The following SLC44A1 variants were observed in gnomAD, a reference collection of about 807,000 sequenced individuals.
The protein encoded by SLC44A1 is choline transporter-like protein 1.
Under a neutral mutation model 79.3 loss-of-function variants are expected in SLC44A1, and 26 were observed. The ratio of observed to expected loss-of-function variants is 0.33; its 90% CI spans 0.24 to 0.46. The LOEUF is 0.46. Among genes scored for constraint, SLC44A1 ranks in the 20% least tolerant of loss-of-function variants. The probability of loss-of-function intolerance (pLI) is 1.00; values close to 1 mark genes in which losing one functional copy is unlikely to be tolerated. For missense variants in SLC44A1, 688 were observed against 798.1 expected, an observed-to-expected ratio of 0.86 and a Z score of 1.66; for synonymous variants, 263 against 286.2, an observed-to-expected ratio of 0.92 and a Z score of 0.82.
At chr9:105,255,791 C>A (rs1829690194) in intron 1 of SLC44A1, among the ~76,000 whole-genome samples, 1 of 152,152 alleles carries the variant, frequency 6.6e-6, no homozygotes, top group Non-Finnish European at 1.5e-5. Context: ...GTTATTTGGA[C>A]CACATTCTTT....
At chr9:105,315,143 C>T (rs942654524) in intron 3 of SLC44A1, among the ~76,000 whole-genome samples, 13 of 152,064 alleles carry the variant, frequency 8.5e-5, no homozygotes, top group Non-Finnish European at 1.6e-4. Context: ...ATTAAAAAAA[C>T]TTTGAAAGGC....
At chr9:105,419,227 G>A (rs1052305993) in intron 15 of SLC44A1, among the ~76,000 whole-genome samples, 1 of 152,202 alleles carries the variant, frequency 6.6e-6, no homozygotes, top group Non-Finnish European at 1.5e-5. Flanking sequence ...AAATGTGGCT[G>A]CAAGACAAAG....
intron 1 of SLC44A1, among the ~76,000 whole-genome samples, chr9:105,248,927 A>G (rs781476111): frequency 2.0e-5 from 3 of 152,224 alleles, no homozygotes; most frequent in Non-Finnish European, 4.4e-5. Flanking sequence ...TAATGGCTAG[A>G]TGATTATTTC....
At position 105,396,861 on chromosome 9, in the gene SLC44A1, C is replaced by A. The variant is rs1028561327; in HGVS notation, c.*7805C>A. The stretch of plus-strand genomic sequence containing the variant: ...TCATAGTTTGGAATCATTTACCTTA[C>A]CATTATTTTGGATTTTTTTCTTATT... On this transcript the variant is annotated 3_prime_UTR_variant, in exon 16 of 16. Coordinates refer to ENST00000374720, the MANE Select transcript of SLC44A1 (RefSeq NM_080546.5). 6.1e-6 allele frequency: 6 copies of A among 984,870 alleles called. No homozygotes were observed. In the African/African-American group the frequency reaches 1.0e-4, roughly 17 times the overall value. 61.0% of individuals were successfully genotyped at this position (984,870 alleles called of 1,614,324 possible).
intron 5 of SLC44A1, among the ~76,000 whole-genome samples, chr9:105,355,145 G>T (rs931656248): frequency 6.6e-6 from 1 of 152,242 alleles, no homozygotes; most frequent in Non-Finnish European, 1.5e-5. Flanking sequence ...ATATAAGTGT[G>T]TATTTATGCA....
chr9:105,245,075 C>A (rs564989275), intron 1 of SLC44A1, among the ~76,000 whole-genome samples, 171 bp downstream of exon 1: 1 of 152,064 alleles, frequency 6.6e-6, no homozygotes, highest in Non-Finnish European at 1.5e-5. Context: ...CGCCGATGCC[C>A]GTGCGCTGGC....
intron 4 of SLC44A1, among the ~76,000 whole-genome samples, chr9:105,347,910 C>A (rs1827289759): frequency 6.6e-6 from 1 of 152,014 alleles, no homozygotes; most frequent in Non-Finnish European, 1.5e-5. Flanking sequence ...TGAGCACAGG[C>A]TTTGTAGTGA....
At chr9:105,296,249 G>T (rs1001222392) in intron 1 of SLC44A1, among the ~76,000 whole-genome samples, 1 of 152,100 alleles carries the variant, frequency 6.6e-6, no homozygotes, top group Non-Finnish European at 1.5e-5. Context: ...GATCACTTTT[G>T]TTCTTCCATA....
chr9:105,330,100 T>C (rs1035940297), intron 3 of SLC44A1, among the ~76,000 whole-genome samples: 1 of 152,222 alleles, frequency 6.6e-6, no homozygotes, highest in Admixed American at 6.5e-5. Flanking sequence ...TTGTTATAAA[T>C]GAAGTTTTTC....
intron 15 of SLC44A1, among the ~76,000 whole-genome samples, chr9:105,387,445 T>C (rs1040947356): frequency 6.6e-6 from 1 of 152,056 alleles, no homozygotes; most frequent in Non-Finnish European, 1.5e-5. Context: ...CACCTTTCTG[T>C]ATCCCTCTTA....
intron 3 of SLC44A1, among the ~76,000 whole-genome samples, chr9:105,329,130 C>T (rs1012451443): frequency 6.6e-6 from 1 of 152,142 alleles, no homozygotes; most frequent in African/African-American, 2.4e-5. Flanking sequence ...AGCAAGCCTC[C>T]GCTAGGCTGT....
chr9:105,386,654 G>A (rs1293935732), intron 15 of SLC44A1: 1 of 153,968 alleles, frequency 6.5e-6, no homozygotes, highest in Non-Finnish European at 1.4e-5. Context: ...CTTCCAGGAT[G>A]GCCTGGGGAA....
At chr9:105,321,190 T>C (rs1194559952) in intron 3 of SLC44A1, among the ~76,000 whole-genome samples, 1 of 152,208 alleles carries the variant, frequency 6.6e-6, no homozygotes, top group Non-Finnish European at 1.5e-5. Context: ...GAAAGTTTTT[T>C]AGTTAGCGCT....
intron 15 of SLC44A1, among the ~76,000 whole-genome samples, chr9:105,423,618 T>C (rs1352674113): frequency 6.6e-6 from 1 of 152,212 alleles, no homozygotes; most frequent in Non-Finnish European, 1.5e-5. Flanking sequence ...TACCCAACAA[T>C]AGAGAATCAG....
At chr9:105,309,948 A>G in intron 3 of SLC44A1, 82 bp downstream of exon 3, 1 of 1,371,142 alleles carries the variant, frequency 7.3e-7, no homozygotes, top group Middle Eastern at 1.9e-4. Flanking sequence ...GCTGTTTTAA[A>G]GATAATATCT....
intron 2 of SLC44A1, among the ~76,000 whole-genome samples, chr9:105,305,238 G>A (rs1830996142): frequency 6.6e-6 from 1 of 151,216 alleles, no homozygotes; most frequent in Non-Finnish European, 1.5e-5. Context: ...CCAAAGTGCT[G>A]GAATTACAGG....
At chr9:105,363,735 G>A (rs936430296) in intron 9 of SLC44A1, among the ~76,000 whole-genome samples, 2 of 152,224 alleles carry the variant, frequency 1.3e-5, no homozygotes, top group African/African-American at 4.8e-5. Context: ...AAAGTGCTGG[G>A]ATTACAGGCG....
At chr9:105,350,932 G>A (rs1440624551) in intron 5 of SLC44A1, among the ~76,000 whole-genome samples, 1 of 152,164 alleles carries the variant, frequency 6.6e-6, no homozygotes, top group Non-Finnish European at 1.5e-5. Context: ...TGAAGCATTA[G>A]TGACACATAA....
intron 15 of SLC44A1, among the ~76,000 whole-genome samples, chr9:105,421,833 C>T (rs1203987514): frequency 8.5e-5 from 13 of 152,142 alleles, no homozygotes; most frequent in Non-Finnish European, 1.3e-4. Context: ...TTGATCCACC[C>T]GCCTCGGCCT....
Sources: allele counts gnomAD v4.1 joint callset (sites outside exome capture counted in the v4.1 genomes callset), GRCh38; gene constraint gnomAD v4.1.1; transcripts MANE v1.5; gene names NCBI Gene and HGNC (gene_info 2026-07-23, HGNC 2026-07-21).